DPYSL2: variants seen among roughly 807,000 people sequenced by gnomAD.
DPYSL2 encodes dihydropyrimidinase like 2, also known as dihydropyrimidinase-related protein 2.
In DPYSL2, 13 loss-of-function variants were observed where a neutral mutation model predicts 69.9. That is an observed-to-expected ratio of 0.19 (90% CI 0.12 to 0.30). DPYSL2 has a LOEUF of 0.30. Among genes scored for constraint, DPYSL2 ranks in the 10% least tolerant of loss-of-function variants. The probability of loss-of-function intolerance (pLI) is 1.00; values close to 1 mark genes in which losing one functional copy is unlikely to be tolerated. For synonymous variants in DPYSL2, 326 were observed against 359.1 expected (o/e 0.91, Z 1.04); for missense variants, 587 against 918.9 (o/e 0.64, Z 4.67).
chr8:26,618,856 G>A (rs1011343051), intron 3 of DPYSL2, among the ~76,000 whole-genome samples: 1 of 151,612 alleles, frequency 6.6e-6, no homozygotes, highest in African/African-American at 2.4e-5. Flanking sequence ...TACTCAGGAC[G>A]CTGAGGCAGG....
intron 1 of DPYSL2, among the ~76,000 whole-genome samples, chr8:26,520,954 A>G (rs1372193287): frequency 6.6e-6 from 1 of 151,918 alleles, no homozygotes; most frequent in Non-Finnish European, 1.5e-5. Flanking sequence ...TGAGGGCTCC[A>G]CCCTCATGGC....
At position 26,617,481 on chromosome 8, in the gene DPYSL2, C is replaced by T. The variant is rs1275673171; in HGVS notation, c.629-6662C>T. 1.3e-5 allele frequency among the ~76,000 whole-genome samples: 2 copies of T among 151,636 alleles called. No individual in the cohort carries two copies. The highest frequency in any genetic ancestry group is 2.9e-5 in the Non-Finnish European group (2 of 67,960). On this transcript the variant is annotated intron_variant, in intron 3 of 13. Coordinates refer to ENST00000521913, the MANE Select transcript of DPYSL2 (RefSeq NM_001197293.3). This position sits in a 1 kb window ranked among gnomAD's most constrained non-coding sequence, Gnocchi z 4.7. ...CTGCACTCCAGCCTGGGTGCCAGAG[C>T]GAGACGCCTTCTCAACAAAAGAAAA...
chr8:26,575,522 T>C (rs1440438608), intron 1 of DPYSL2, among the ~76,000 whole-genome samples: 4 of 152,194 alleles, frequency 2.6e-5, no homozygotes, highest in Non-Finnish European at 5.9e-5. Context: ...ATGTGCCAAA[T>C]ACTCTCTTAG....
rs368563 is a variant in DPYSL2, at chr8:26,565,169, C to T, written c.355-16800C>T. Among the ~76,000 whole-genome samples, 132,698 of 152,218 alleles carry T rather than the reference C, an allele frequency of 0.87. 58,289 individuals carry two copies. Among genetic ancestry groups the T allele is most frequent in the East Asian group, 0.99 (5,138 of 5,194 alleles). Reference sequence around the variant, plus strand: ...AGGTGTATATGTACCACATTTTCTTCATCCACTCATTGGTCAGTGGGCACT... The same window carrying T: ...AGGTGTATATGTACCACATTTTCTTTATCCACTCATTGGTCAGTGGGCACT... On this transcript the variant is annotated intron_variant, in intron 1 of 13. Transcript: ENST00000521913. The surrounding 1 kb of genome is among the most constrained non-coding windows in gnomAD (Gnocchi z 4.1).
intron 8 of DPYSL2, among the ~76,000 whole-genome samples, chr8:26,638,457 C>T (rs1255855850): frequency 2.0e-5 from 3 of 152,164 alleles, no homozygotes; most frequent in East Asian, 1.9e-4. Context: ...AAGAGAAGTT[C>T]GGGGAAGTGA....
At chr8:26,578,570 T>A in intron 1 of DPYSL2, 3 of 1,347,670 alleles carry the variant, frequency 2.2e-6, no homozygotes, top group Non-Finnish European at 1.9e-6. Context: ...TTATTGTCAG[T>A]GAGAGATGCT....
chr8:26,564,898 G>GT lies in DPYSL2; in HGVS notation c.355-17062dup, dbSNP rs550240545. The stretch of plus-strand genomic sequence containing the variant: ...GAGTGTACATTGTACCTAATGTGTA[G>GT]TTTTTTTTTATGCCTAGCCCCATTC... On this transcript the variant is annotated intron_variant, in intron 1 of 13. Transcript: ENST00000521913. This position sits in a 1 kb window ranked among gnomAD's most constrained non-coding sequence, Gnocchi z 4.8. 1.1e-4 allele frequency among the ~76,000 whole-genome samples: 16 copies of GT among 151,548 alleles called. No individual in the cohort carries two copies. Among genetic ancestry groups the GT allele is most frequent in the East Asian group, 3.9e-4 (2 of 5,166 alleles).
Position 26,620,177 on chromosome 8 carries a change from T to C in DPYSL2, c.629-3966T>C. Among the ~76,000 whole-genome samples, 1 of 152,120 alleles carries C rather than the reference T, an allele frequency of 6.6e-6. No homozygotes were observed. The highest frequency in any genetic ancestry group is 1.9e-4 in the East Asian group (1 of 5,200). On this transcript the variant is annotated intron_variant, in intron 3 of 13. Transcript: ENST00000521913. This position sits in a 1 kb window ranked among gnomAD's most constrained non-coding sequence, Gnocchi z 4.5. ...TGATGGTTGTAAGGCTTTAGATGGC[T>C]TGCTTGAGCCTTGCAATGGGAATGA...
At position 26,648,409 on chromosome 8, in the gene DPYSL2, T is replaced by C. The variant is rs1011115127; in HGVS notation, c.1596+609T>C. Reference sequence around the variant, plus strand: ...TTTAGAGCTTAGAGATGTCCTCTCTTGTTAACAGGACCCAGGGCAAGTCTG... The same window carrying C: ...TTTAGAGCTTAGAGATGTCCTCTCTCGTTAACAGGACCCAGGGCAAGTCTG... On this transcript the variant is annotated intron_variant, in intron 11 of 13. Coordinates refer to ENST00000521913, the MANE Select transcript of DPYSL2 (RefSeq NM_001197293.3). This position sits in a 1 kb window ranked among gnomAD's most constrained non-coding sequence, Gnocchi z 4.3. Among the ~76,000 whole-genome samples the C allele has an allele frequency of 1.3e-5, 2 of 152,162 alleles. No homozygotes were observed. The highest frequency in any genetic ancestry group is 2.9e-5 in the Non-Finnish European group (2 of 68,032).
intron 8 of DPYSL2, among the ~76,000 whole-genome samples, chr8:26,638,999 T>C (rs1416931989): frequency 6.6e-6 from 1 of 152,210 alleles, no homozygotes; most frequent in African/African-American, 2.4e-5. Context: ...TGGACATTCT[T>C]TTCCGTCCTC....
At position 26,598,078 on chromosome 8, in the gene DPYSL2, G is replaced by T. The variant is rs114429706; in HGVS notation, c.628+14095G>T. Among the ~76,000 whole-genome samples, 1 of 152,144 alleles carries T rather than the reference G, an allele frequency of 6.6e-6. No homozygotes were observed. The highest frequency in any genetic ancestry group is 2.4e-5 in the African/African-American group (1 of 41,428). On this transcript the variant is annotated intron_variant, in intron 3 of 13. Coordinates refer to ENST00000521913, the MANE Select transcript of DPYSL2 (RefSeq NM_001197293.3). The surrounding 1 kb of genome is among the most constrained non-coding windows in gnomAD (Gnocchi z 4.2). ...GGATCAGCATGTCTTGCATAATAGG[G>T]TTGCTTTGAGGATCCAGGGAGGTGG...
rs1412319624 is a variant in DPYSL2 at position 26,514,389 on chromosome 8, A to C, written c.64A>C (p.Asn22His). 8 of 1,514,806 alleles carry C rather than the reference A, an allele frequency of 5.3e-6. No homozygotes were observed. In the Admixed American group the frequency reaches 1.7e-4, roughly 32 times the overall value. 93.8% of individuals were successfully genotyped at this position (1,514,806 alleles called of 1,614,324 possible). ...CGAAGAGGTCCCTGCTTTTTTTAAA[A>C]ACCTGGGCTCCGGCAGCCCCAAGCC... ...EDEEVPAFFK[N>H]LGSGSPKPRQ... Residue 22 changes from asparagine to histidine, a missense_variant, in exon 1 of 14, where the codon AAC becomes CAC. Asn to His is a moderately conservative substitution (Grantham distance 68, BLOSUM62 1). Coordinates refer to ENST00000521913, the MANE Select transcript of DPYSL2 (RefSeq NM_001197293.3). This position sits in a 1 kb window ranked among gnomAD's most constrained non-coding sequence, Gnocchi z 8.4.
intron 1 of DPYSL2, among the ~76,000 whole-genome samples, chr8:26,536,341 G>A (rs1261980481): frequency 6.6e-6 from 1 of 151,810 alleles, no homozygotes; most frequent in East Asian, 2.0e-4. Context: ...TTACATGCAT[G>A]AGCCACTGTG....
intron 3 of DPYSL2, among the ~76,000 whole-genome samples, chr8:26,613,204 T>G (rs1802274791): frequency 6.6e-6 from 1 of 152,234 alleles, no homozygotes; most frequent in African/African-American, 2.4e-5. Flanking sequence ...AAGATACATC[T>G]GCGACATCAT....
intron 1 of DPYSL2, among the ~76,000 whole-genome samples, chr8:26,527,120 C>G (rs1247424171): frequency 1.3e-5 from 2 of 152,132 alleles, no homozygotes; most frequent in Non-Finnish European, 2.9e-5. Context: ...TTGTCTTGGT[C>G]CATCCTGGAC....
intron 2 of DPYSL2, 108 bp from the exon 3 acceptor site, chr8:26,583,691 C>T: frequency 9.8e-7 from 1 of 1,025,452 alleles, no homozygotes; most frequent in South Asian, 1.7e-5. Flanking sequence ...TCTGAAAAGC[C>T]CACGGCACAG....
rs577083517 is a variant in DPYSL2, at chr8:26,600,027, T to C, written c.628+16044T>C. 2.0e-5 allele frequency among the ~76,000 whole-genome samples: 3 copies of C among 152,378 alleles called. No individual in the cohort carries two copies. The South Asian group carries it at 6.2e-4, about 32-fold the overall frequency. Reference sequence around the variant, plus strand: ...GAATAATACAATATGTGGCCTTTTATAGCTGGCTTCTTTCCCTTAGCATAA... The same window carrying C: ...GAATAATACAATATGTGGCCTTTTACAGCTGGCTTCTTTCCCTTAGCATAA... On this transcript the variant is annotated intron_variant, in intron 3 of 13. Coordinates refer to ENST00000521913, the MANE Select transcript of DPYSL2 (RefSeq NM_001197293.3).
intron 1 of DPYSL2, among the ~76,000 whole-genome samples, chr8:26,527,515 A>T (rs1444525678): frequency 6.6e-6 from 1 of 152,134 alleles, no homozygotes; most frequent in African/African-American, 2.4e-5. Context: ...CACTCTGATA[A>T]CATACATTGG....
At chr8:26,553,154 A>G (rs1035435012) in intron 1 of DPYSL2, among the ~76,000 whole-genome samples, 2 of 152,260 alleles carry the variant, frequency 1.3e-5, no homozygotes, top group Non-Finnish European at 2.9e-5. Flanking sequence ...GAAATACAAT[A>G]GAAAATAACC....
Sources: allele counts gnomAD v4.1 joint callset (sites outside exome capture counted in the v4.1 genomes callset), GRCh38; gene constraint gnomAD v4.1.1; non-coding constraint Gnocchi (gnomAD v3.1); transcripts MANE v1.5; gene names NCBI Gene and HGNC (gene_info 2026-07-23, HGNC 2026-07-21).